Variants in NTM observed in about 807,000 individuals in gnomAD.
NTM encodes neurotrimin.
Under a neutral mutation model 42.1 loss-of-function variants are expected in NTM, and 13 were observed. The ratio of observed to expected loss-of-function variants is 0.31; its 90% CI spans 0.20 to 0.49. NTM has a LOEUF of 0.49. NTM is among the 20% of genes least tolerant of loss of function. The probability of loss-of-function intolerance (pLI) is 0.99; values close to 1 mark genes in which losing one functional copy is unlikely to be tolerated. For missense variants in NTM, 373 were observed against 452.8 expected (o/e 0.82, Z 1.60); for synonymous variants, 187 against 179.2 (o/e 1.04, Z -0.35).
At chr11:132,103,521 C>G (rs552466398) in intron 2 of NTM, among the ~76,000 whole-genome samples, 1 of 152,314 alleles carries the variant, frequency 6.6e-6, no homozygotes, top group Non-Finnish European at 1.5e-5. Context: ...TAGTGCAAAA[C>G]TATTAAGTGA....
chr11:131,774,737 G>A (rs2086691248), intron 1 of NTM, among the ~76,000 whole-genome samples: 1 of 152,216 alleles, frequency 6.6e-6, no homozygotes, highest in Admixed American at 6.5e-5. Flanking sequence ...TTAAGGTGAA[G>A]ATAATCTGCC....
At chr11:132,078,890 C>T (rs2058686898) in intron 2 of NTM, among the ~76,000 whole-genome samples, 2 of 152,142 alleles carry the variant, frequency 1.3e-5, no homozygotes, top group South Asian at 4.1e-4. Context: ...TGGAATTTTG[C>T]CAATTCTGAA....
At chr11:132,079,084 T>G (rs962065804) in intron 2 of NTM, among the ~76,000 whole-genome samples, 1 of 152,168 alleles carries the variant, frequency 6.6e-6, no homozygotes, top group Admixed American at 6.5e-5. Context: ...ACAAGCAATG[T>G]GGTTCAGGGC....
At chr11:131,789,663 GAAGA>G (rs1473940083) in intron 1 of NTM, among the ~76,000 whole-genome samples, 34 of 120,696 alleles carry the variant, frequency 2.8e-4, no homozygotes, top group South Asian at 8.0e-4. Context: ...AGAAGAAGAA[GAAGA>G]AAGCATGGGC....
At position 131,575,830 on chromosome 11, in the gene NTM, G is replaced by A. The variant is rs148911698; in HGVS notation, c.82+204942G>A. Among the ~76,000 whole-genome samples, 114 of 152,226 alleles carry A rather than the reference G, an allele frequency of 7.5e-4. 1 individual carries two copies. Among genetic ancestry groups the A allele is most frequent in the African/African-American group, 2.7e-3 (111 of 41,530 alleles). ...CTAACGAACTAACATACTCTCCCTG[G>A]CTCCTGGAAGCTCCTGCTCTCTCCA... On this transcript the variant is annotated intron_variant, in intron 1 of 8. Transcript: ENST00000683400.
chr11:132,254,033 G>A (rs1262898291), intron 4 of NTM, among the ~76,000 whole-genome samples: 1 of 152,136 alleles, frequency 6.6e-6, no homozygotes, highest in Non-Finnish European at 1.5e-5. Context: ...AGCAGGGGCT[G>A]GAAGGCAGCT....
chr11:132,261,658 A>G (rs936524348), intron 4 of NTM, among the ~76,000 whole-genome samples: 1 of 152,232 alleles, frequency 6.6e-6, no homozygotes, highest in African/African-American at 2.4e-5. Context: ...TGCCAGCACA[A>G]TGGAAGATAG....
intron 1 of NTM, among the ~76,000 whole-genome samples, chr11:131,532,673 A>G (rs1328586146): frequency 6.6e-6 from 1 of 152,246 alleles, no homozygotes; most frequent in Non-Finnish European, 1.5e-5. Flanking sequence ...GCACCATTGT[A>G]CATTCTCACC....
chr11:131,804,546 T>G (rs2092371231), intron 1 of NTM, among the ~76,000 whole-genome samples: 1 of 152,150 alleles, frequency 6.6e-6, no homozygotes, highest in African/African-American at 2.4e-5. Context: ...GCGTTCCTTT[T>G]CCCATCCCAT....
chr11:131,821,176 C>T (rs954426291), intron 1 of NTM, among the ~76,000 whole-genome samples: 4 of 152,192 alleles, frequency 2.6e-5, no homozygotes, highest in Non-Finnish European at 5.9e-5. Context: ...AGTTTCTATT[C>T]TTGGTCTCCC....
chr11:132,105,790 CAT>C (rs997979495), intron 2 of NTM, among the ~76,000 whole-genome samples: 48 of 152,194 alleles, frequency 3.2e-4, no homozygotes, highest in African/African-American at 1.1e-3. Context: ...TGCTGGCAGA[CAT>C]TGGCTTGAGG....
chr11:132,141,287 T>C (rs2069094726), intron 2 of NTM, among the ~76,000 whole-genome samples: 1 of 151,968 alleles, frequency 6.6e-6, no homozygotes, highest in Non-Finnish European at 1.5e-5. Flanking sequence ...TCTCTATCTC[T>C]CTTTCTCTTT....
intron 4 of NTM, among the ~76,000 whole-genome samples, chr11:132,285,417 C>T (rs539483079): frequency 1.3e-5 from 2 of 152,112 alleles, no homozygotes; most frequent in Non-Finnish European, 2.9e-5. Flanking sequence ...ATGAAATGCT[C>T]CCAGCTCTGA....
intron 1 of NTM, among the ~76,000 whole-genome samples, chr11:131,638,811 T>C (rs1229864961): frequency 6.6e-6 from 1 of 152,120 alleles, no homozygotes; most frequent in Admixed American, 6.5e-5. Flanking sequence ...TGGTTTGTTT[T>C]GTTTTTTTAA....
At chr11:131,841,132 T>C (rs1439841391) in intron 1 of NTM, among the ~76,000 whole-genome samples, 1 of 152,216 alleles carries the variant, frequency 6.6e-6, no homozygotes, top group Non-Finnish European at 1.5e-5. Flanking sequence ...GACATAAAAA[T>C]GACTAGGATG....
intron 2 of NTM, among the ~76,000 whole-genome samples, chr11:132,112,448 C>A (rs2063335894): frequency 1.3e-5 from 2 of 152,098 alleles, no homozygotes; most frequent in Admixed American, 6.5e-5. Flanking sequence ...CTTAGAGAAT[C>A]TCTTGTGTTT....
At chr11:132,249,109 T>G (rs2091615848) in intron 4 of NTM, among the ~76,000 whole-genome samples, 1 of 152,212 alleles carries the variant, frequency 6.6e-6, no homozygotes, top group East Asian at 1.9e-4. Flanking sequence ...GAAAGTGATT[T>G]TGGCCTTGTC....
intron 1 of NTM, among the ~76,000 whole-genome samples, chr11:131,481,932 C>T (rs1279983171): frequency 3.3e-5 from 5 of 152,174 alleles, no homozygotes; most frequent in African/African-American, 7.2e-5. Context: ...TGAAAATGCT[C>T]ATATATGGGA....
intron 1 of NTM, among the ~76,000 whole-genome samples, chr11:131,500,541 T>TTTTA (rs2046610155): frequency 3.1e-5 from 2 of 65,168 alleles, no homozygotes; most frequent in African/African-American, 1.2e-4. Flanking sequence ...TAGTTATTTA[T>TTTTA]TATATATATA....
Sources: allele counts gnomAD v4.1 joint callset (sites outside exome capture counted in the v4.1 genomes callset), GRCh38; gene constraint gnomAD v4.1.1; transcripts MANE v1.5; gene names NCBI Gene and HGNC (gene_info 2026-07-23, HGNC 2026-07-21).